The following SLC38A9 variants were observed in gnomAD, a reference collection of about 807,000 sequenced individuals.
The protein encoded by SLC38A9 is solute carrier family 38 member 9.
A neutral mutation model predicts 62.3 loss-of-function variants in SLC38A9; 48 were observed. The ratio of observed to expected loss-of-function variants is 0.77; its 90% confidence interval spans 0.61 to 0.98. The LOEUF (loss-of-function observed/expected upper bound fraction) is 0.98. Ranked by LOEUF, SLC38A9 falls within the 50% of genes least tolerant of loss-of-function variation. SLC38A9 has a pLI of 0.00. For missense variants in SLC38A9, 541 were observed against 679.8 expected (o/e 0.80, Z 2.27); for synonymous variants, 204 against 227.7 (o/e 0.90, Z 0.94).
At chr5:55,671,505 C>T (rs73113687) in intron 4 of SLC38A9, among the ~76,000 whole-genome samples, 85,619 of 142,556 alleles carry the variant, frequency 0.6, 26,060 homozygotes, top group South Asian at 0.7. Context: ...TCCCATTCTT[C>T]TTTTTTTTTT....
At chr5:55,697,654 G>C (rs1384534297) in intron 3 of SLC38A9, among the ~76,000 whole-genome samples, 192 bp downstream of exon 3, 1 of 131,298 alleles carries the variant, frequency 7.6e-6, no homozygotes, top group Non-Finnish European at 1.6e-5. Context: ...TGAGTTTAGT[G>C]AAAAAAAAAA....
Position 55,686,030 on chromosome 5 carries a change from T to TG in SLC38A9, c.113+11815dup, listed in dbSNP as rs1250616724. ...TTTTCTTTATCCAGTCTATCATTGATGGGCCTTTTGGTTGATTCCATGTCT... is the reference window on the plus strand; with the variant it reads ...TTTTCTTTATCCAGTCTATCATTGATGGGGCCTTTTGGTTGATTCCATGTCT... On this transcript the variant is annotated intron_variant, in intron 3 of 15. Transcript: ENST00000396865. Among the ~76,000 whole-genome samples, 10 of 152,250 alleles carry TG rather than the reference T, an allele frequency of 6.6e-5. 1 individual carries two copies. Among genetic ancestry groups the TG allele is most frequent in the Non-Finnish European group, 1.5e-4 (10 of 68,048 alleles).
chr5:55,675,162 T>C (rs1045337521), intron 3 of SLC38A9: 1 of 152,188 alleles, frequency 6.6e-6, no homozygotes, highest in Non-Finnish European at 1.5e-5. Flanking sequence ...AACCACTAAG[T>C]TGGTTTGAGG....
At chr5:55,703,332 TC>T (rs1188450229) in intron 2 of SLC38A9, among the ~76,000 whole-genome samples, 2 of 152,182 alleles carry the variant, frequency 1.3e-5, no homozygotes, top group African/African-American at 4.8e-5. Flanking sequence ...TCAGCTCAAA[TC>T]TATACCAATT....
In SLC38A9 at chr5:55,669,780, T is replaced by C; in HGVS notation, c.346A>G (p.Lys116Glu). The C allele has an allele frequency of 6.2e-7, 1 of 1,613,914 alleles. No homozygotes were observed. The highest frequency in any genetic ancestry group is 8.5e-7 in the Non-Finnish European group (1 of 1,179,954). Reference sequence around the variant, plus strand: ...CACATGGTTACTAAACTGGTGTTTTTACCGTATCCTTCAGTGTAACTTTGA... The same window carrying C: ...CACATGGTTACTAAACTGGTGTTTTCACCGTATCCTTCAGTGTAACTTTGA... ...KLQSYTEGYG[K>E]NTSLVTIFMI... The change falls in exon 5 of 16, where the codon AAA becomes GAA. Residue 116 changes from lysine (K) to glutamate (E), a missense_variant. Coordinates refer to ENST00000396865, the MANE Select transcript of SLC38A9 (RefSeq NM_173514.4).
At position 55,708,263 on chromosome 5, in the gene SLC38A9, G is replaced by A. The variant is rs530387354; in HGVS notation, c.-35+3189C>T. 1.2e-4 allele frequency among the ~76,000 whole-genome samples: 19 copies of A among 152,218 alleles called. 1 individual carries two copies. Among genetic ancestry groups the A allele is most frequent in the African/African-American group, 4.6e-4 (19 of 41,516 alleles). Reference sequence around the variant, plus strand: ...GAGAACTGCTTGAGCCCAGGAGTTCGAGATTGCAGCGAGCTACAATGGCAC... The same window carrying A: ...GAGAACTGCTTGAGCCCAGGAGTTCAAGATTGCAGCGAGCTACAATGGCAC... On this transcript the variant is annotated intron_variant, in intron 2 of 15. Transcript: ENST00000396865.
At chr5:55,639,272 T>TTAAAAAAAAAA (rs1391586466) in intron 12 of SLC38A9, among the ~76,000 whole-genome samples, 1 of 54,650 alleles carries the variant, frequency 1.8e-5, no homozygotes, top group African/African-American at 6.9e-5. Flanking sequence ...AAACTCTGTC[T>TTAAAAAAAAAA]AAAAAAAAAA....
intron 2 of SLC38A9, chr5:55,704,553 A>G: frequency 1.0e-5 from 1 of 100,462 alleles, no homozygotes; most frequent in East Asian, 2.4e-4. Flanking sequence ...GAACTTAACG[A>G]AGGTTAATAA....
At chr5:55,637,942 G>A (rs1744714187) in intron 12 of SLC38A9, among the ~76,000 whole-genome samples, 3 of 151,878 alleles carry the variant, frequency 2.0e-5, no homozygotes. Flanking sequence ...GAGCTGACCA[G>A]TCTCCAGTGC....
chr5:55,661,454 A>C (rs1749555015), intron 8 of SLC38A9, among the ~76,000 whole-genome samples: 1 of 150,698 alleles, frequency 6.6e-6, no homozygotes, highest in Middle Eastern at 3.4e-3. Context: ...CAAAAAAAAA[A>C]AAAAAAAAAA....
intron 8 of SLC38A9, among the ~76,000 whole-genome samples, chr5:55,663,346 A>AAATGAGAC (rs1180684685): frequency 1.6e-4 from 24 of 152,026 alleles, no homozygotes; most frequent in African/African-American, 5.8e-4. Flanking sequence ...AAATATGACA[A>AAATGAGAC]AATGAGACAC....
At position 55,669,542 on chromosome 5, in the gene SLC38A9, A is replaced by C. The variant is rs957824948; in HGVS notation, c.432+15T>G. 6.3e-7 allele frequency: 1 copy of C among 1,593,678 alleles called. No homozygotes were observed. Among genetic ancestry groups the C allele is most frequent in the Non-Finnish European group, 8.5e-7 (1 of 1,170,734 alleles). On this transcript the variant is annotated intron_variant, in intron 6 of 15. Coordinates refer to ENST00000396865, the MANE Select transcript of SLC38A9 (RefSeq NM_173514.4). Reference sequence around the variant, plus strand: ...AAACATTTAGGCAAAAAGTGTGCTGAAAAATTAGTATTACCTGTTTTATGC... The same window carrying C: ...AAACATTTAGGCAAAAAGTGTGCTGCAAAATTAGTATTACCTGTTTTATGC...
chr5:55,687,486 G>A (rs998965190), intron 3 of SLC38A9, among the ~76,000 whole-genome samples: 4 of 148,246 alleles, frequency 2.7e-5, no homozygotes, highest in African/African-American at 1.0e-4. Context: ...GTCAATGGTA[G>A]TTTAATGGAA....
Position 55,645,882 on chromosome 5 carries a change from CT to C in SLC38A9, c.1073del (p.Gln358ArgfsTer5). Reference protein sequence around the residue: ...TEFFVPEIRFQFPQLTGVLTL... With the variant: ...TEFFVPEIRFXFPQLTGVLTL... ...TAAGCACTCCAGTCAGCTGTGGAAA[CT>C]GAAATCTTATCTCTAGGAGAAAAAT... On this transcript the variant is annotated frameshift_variant, in exon 12 of 16. Transcript: ENST00000396865. LOFTEE classifies it high-confidence loss of function. 1 of 1,603,400 alleles carries C rather than the reference CT, an allele frequency of 6.2e-7. No individual in the cohort carries two copies. The highest frequency in any genetic ancestry group is 8.5e-7 in the Non-Finnish European group (1 of 1,175,356).
Position 55,669,333 on chromosome 5 carries a change from T to C in SLC38A9, c.433-12A>G. On this transcript the variant is annotated splice_polypyrimidine_tract_variant and intron_variant, in intron 6 of 15. Transcript: ENST00000396865. ...GTAGTAAATCCAGCCTGTTTAAAAA[T>C]AAAAGTATAAAACAGCATATATCAT... 6.3e-7 allele frequency: 1 copy of C among 1,597,920 alleles called. No homozygotes were observed. The highest frequency in any genetic ancestry group is 1.7e-5 in the Admixed American group (1 of 58,746).
intron 12 of SLC38A9, among the ~76,000 whole-genome samples, chr5:55,640,685 T>C (rs903390252): frequency 6.6e-6 from 1 of 152,220 alleles, no homozygotes; most frequent in Non-Finnish European, 1.5e-5. Flanking sequence ...TATGAGATTA[T>C]AAAAATTACT....
chr5:55,626,807 G>A, intron 15 of SLC38A9, 148 bp from the exon 16 acceptor site: 5 of 645,166 alleles, frequency 7.7e-6, no homozygotes, highest in South Asian at 9.1e-5. Context: ...TAAAACATCT[G>A]GGTTTAAAAC....
At chr5:55,649,860 G>A (rs1424996304) in intron 10 of SLC38A9, among the ~76,000 whole-genome samples, 1 of 152,004 alleles carries the variant, frequency 6.6e-6, no homozygotes, top group Admixed American at 6.6e-5. Context: ...AGAATCAGAT[G>A]AAGGTAGCTC....
At chr5:55,655,783 A>G (rs1351737406) in intron 9 of SLC38A9, among the ~76,000 whole-genome samples, 1 of 152,188 alleles carries the variant, frequency 6.6e-6, no homozygotes, top group Non-Finnish European at 1.5e-5. Context: ...ACATGACATC[A>G]GTTTAGTATC....
Sources: gnomAD v4.1 joint callset for allele counts (sites outside exome capture counted in the v4.1 genomes callset) on GRCh38, gnomAD v4.1.1 for gene constraint, MANE v1.5 for transcripts, NCBI Gene and HGNC (gene_info 2026-07-23, HGNC 2026-07-21) for gene names.